PAPPA2: variants seen among roughly 807,000 people sequenced by gnomAD.
PAPPA2 encodes the protein pappalysin 2, also known as pappalysin-2.
A neutral mutation model predicts 176.4 loss-of-function variants in PAPPA2; 86 were observed. That is an observed-to-expected ratio of 0.49 (90% CI 0.41 to 0.58). PAPPA2 has a LOEUF of 0.58. PAPPA2 is among the 20% of genes least tolerant of loss of function. The pLI, the probability that PAPPA2 is intolerant of heterozygous loss-of-function variation, is 0.00. For missense variants in PAPPA2, 2,073 were observed against 2,256.9 expected, an observed-to-expected ratio of 0.92 and a Z score of 1.65; for synonymous variants, 809 against 852.2, an observed-to-expected ratio of 0.95 and a Z score of 0.88.
intron 3 of PAPPA2, among the ~76,000 whole-genome samples, chr1:176,595,907 T>G (rs1223892705): frequency 2.0e-5 from 3 of 152,150 alleles, no homozygotes; most frequent in East Asian, 1.9e-4. Context: ...AACAACTTAC[T>G]CTACCAGAGG....
In PAPPA2 at chr1:176,690,323, C is replaced by T. The variant is rs1239049762; in HGVS notation, c.2324C>T (p.Ala775Val). Residue 775 changes from alanine to valine, a missense_variant, in exon 5 of 23, where the codon GCC becomes GTC. By Grantham distance (64) the Ala-to-Val change is moderately conservative. Coordinates refer to ENST00000367662, the MANE Select transcript of PAPPA2 (RefSeq NM_020318.3). ...ACGGGAGACCTCTGTGCCGACACCGCCCCCACTCCCAAGAGTGAGCTGTGC... is the reference window on the plus strand; with the variant it reads ...ACGGGAGACCTCTGTGCCGACACCGTCCCCACTCCCAAGAGTGAGCTGTGC... ...METGDLCADT[A>V]PTPKSELCRE... 1.9e-6 allele frequency: 3 copies of T among 1,614,040 alleles called. No homozygotes were observed. Among genetic ancestry groups the T allele is most frequent in the Non-Finnish European group, 2.5e-6 (3 of 1,180,022 alleles).
At chr1:176,614,171 G>C (rs573076156) in intron 3 of PAPPA2, among the ~76,000 whole-genome samples, 2 of 152,202 alleles carry the variant, frequency 1.3e-5, no homozygotes, top group East Asian at 3.9e-4. Flanking sequence ...TAAAGCAGTT[G>C]GATAGTGAAG....
chr1:176,767,203 C>T (rs1014288999), intron 15 of PAPPA2, among the ~76,000 whole-genome samples: 5 of 152,198 alleles, frequency 3.3e-5, no homozygotes, highest in Non-Finnish European at 7.3e-5. Context: ...GGACTGAATC[C>T]ACTCGTGATA....
intron 17 of PAPPA2, among the ~76,000 whole-genome samples, chr1:176,776,541 G>A (rs1009039120): frequency 6.6e-6 from 1 of 152,150 alleles, no homozygotes; most frequent in Non-Finnish European, 1.5e-5. Context: ...ACAAATGTTT[G>A]GTTGGTGAAT....
At position 176,793,528 on chromosome 1, in the gene PAPPA2, C is replaced by T. The variant is rs774046950; in HGVS notation, c.5021-32C>T. The T allele has an allele frequency of 1.8e-5, 27 of 1,539,212 alleles. No individual in the cohort carries two copies. In the South Asian group the frequency reaches 3.0e-4, roughly 17 times the overall value. ...GAAAAAGAATGAGATCTGGGAAGTT[C>T]AAGTCTCTGCTGTAAACTTCTGTTC... On this transcript the variant is annotated intron_variant, in intron 19 of 22. Coordinates refer to ENST00000367662, the MANE Select transcript of PAPPA2 (RefSeq NM_020318.3).
intron 6 of PAPPA2, among the ~76,000 whole-genome samples, chr1:176,694,239 T>G (rs1660255631): frequency 6.6e-6 from 1 of 152,240 alleles, no homozygotes; most frequent in African/African-American, 2.4e-5. Flanking sequence ...TTGTTCATGT[T>G]AGAAGTGAGT....
At chr1:176,470,076 A>ATT (rs1397630413) in intron 1 of PAPPA2, among the ~76,000 whole-genome samples, 1 of 152,174 alleles carries the variant, frequency 6.6e-6, no homozygotes, top group African/African-American at 2.4e-5. Flanking sequence ...AGGAAACAAA[A>ATT]TGTTCAGTTA....
intron 2 of PAPPA2, among the ~76,000 whole-genome samples, chr1:176,562,177 A>T (rs1358219146): frequency 6.6e-6 from 1 of 152,298 alleles, no homozygotes; most frequent in South Asian, 2.1e-4. Flanking sequence ...CATTATGTAT[A>T]AAACCTATTG....
chr1:176,807,803 A>T (rs983232116), intron 21 of PAPPA2, among the ~76,000 whole-genome samples: 1 of 152,080 alleles, frequency 6.6e-6, no homozygotes, highest in Non-Finnish European at 1.5e-5. Flanking sequence ...GCCAAGTTTG[A>T]TATTTTCTAC....
At chr1:176,794,230 A>T (rs1665322092) in intron 20 of PAPPA2, among the ~76,000 whole-genome samples, 1 of 152,208 alleles carries the variant, frequency 6.6e-6, no homozygotes, top group Non-Finnish European at 1.5e-5. Flanking sequence ...CGAAGTAGCA[A>T]CTGACATAAA....
intron 2 of PAPPA2, among the ~76,000 whole-genome samples, chr1:176,563,073 G>A (rs1651764681): frequency 6.6e-6 from 1 of 152,168 alleles, no homozygotes; most frequent in Admixed American, 6.5e-5. Flanking sequence ...ATGCATGTCT[G>A]ATTAACTTTT....
At chr1:176,719,596 T>C (rs1010021574) in intron 12 of PAPPA2, among the ~76,000 whole-genome samples, 1 of 152,200 alleles carries the variant, frequency 6.6e-6, no homozygotes, top group Non-Finnish European at 1.5e-5. Context: ...TTCTTCCTTT[T>C]TGTCACAACT....
rs144831584 is a variant in PAPPA2 at position 176,624,993 on chromosome 1, C to T, written c.1991+29398C>T. On this transcript the variant is annotated intron_variant, in intron 3 of 22. Transcript: ENST00000367662. ...GGGCACTGAGCCTTCCGGAGATCCTCCACACAGGGATGATATCTGGGGTCT... is the reference window on the plus strand; with the variant it reads ...GGGCACTGAGCCTTCCGGAGATCCTTCACACAGGGATGATATCTGGGGTCT... Among the ~76,000 whole-genome samples the T allele has an allele frequency of 5.1e-3, 784 of 152,242 alleles. 6 individuals are homozygous for T. Among genetic ancestry groups the T allele is most frequent in the African/African-American group, 0.018 (754 of 41,540 alleles).
intron 2 of PAPPA2, among the ~76,000 whole-genome samples, chr1:176,573,055 G>A (rs1652446067): frequency 6.6e-6 from 1 of 152,122 alleles, no homozygotes; most frequent in South Asian, 2.1e-4. Context: ...GAGAGAGATG[G>A]GGTGAGGGTG....
chr1:176,616,521 A>C (rs551041338), intron 3 of PAPPA2: 1 of 1,221,312 alleles, frequency 8.2e-7, no homozygotes, highest in East Asian at 2.6e-5. Context: ...ACAAAACTTA[A>C]TTTTTACAAA....
intron 1 of PAPPA2, among the ~76,000 whole-genome samples, chr1:176,518,452 T>TAAAAAAAAAAAAA (rs368157026): frequency 8.2e-6 from 1 of 121,740 alleles, no homozygotes; most frequent in Non-Finnish European, 1.8e-5. Flanking sequence ...GCTTGACAGG[T>TAAAAAAAAAAAAA]AAAAAAAAAA....
intron 1 of PAPPA2, among the ~76,000 whole-genome samples, chr1:176,525,898 C>T (rs759269096): frequency 4.6e-5 from 7 of 152,144 alleles, no homozygotes; most frequent in Non-Finnish European, 8.8e-5. Flanking sequence ...GAATTTTGAA[C>T]CAGTTCTAGT....
In PAPPA2 at chr1:176,582,435, C is replaced by A. The variant is rs1205310758; in HGVS notation, c.920-12089C>A. 2.6e-5 allele frequency among the ~76,000 whole-genome samples: 4 copies of A among 152,094 alleles called. 1 individual carries two copies. The highest frequency in any genetic ancestry group is 1.3e-4 in the Admixed American group (2 of 15,268). Reference sequence around the variant, plus strand: ...GCTTTTTGCTTTTCCCTGTTCAGTACGATATTAGCGGTCACTTATGGCCTT... The same window carrying A: ...GCTTTTTGCTTTTCCCTGTTCAGTAAGATATTAGCGGTCACTTATGGCCTT... On this transcript the variant is annotated intron_variant, in intron 2 of 22. Coordinates refer to ENST00000367662, the MANE Select transcript of PAPPA2 (RefSeq NM_020318.3).
intron 1 of PAPPA2, among the ~76,000 whole-genome samples, chr1:176,523,062 G>A (rs956717979): frequency 6.6e-6 from 1 of 152,068 alleles, no homozygotes; most frequent in Non-Finnish European, 1.5e-5. Context: ...TTACATGTGC[G>A]CTTGCTTCTC....
Sources: allele counts gnomAD v4.1 joint callset (sites outside exome capture counted in the v4.1 genomes callset), GRCh38; gene constraint gnomAD v4.1.1; transcripts MANE v1.5; gene names NCBI Gene and HGNC (gene_info 2026-07-23, HGNC 2026-07-21).